The following NRXN1 variants were observed in gnomAD, a reference collection of about 807,000 sequenced individuals.
NRXN1 encodes neurexin-1.
Under a neutral mutation model 150.9 loss-of-function variants are expected in NRXN1, and 39 were observed. The observed-to-expected ratio is 0.26, with a 90% confidence interval of 0.20 to 0.34. The LOEUF is 0.34. NRXN1 is among the 10% of genes least tolerant of loss of function. The pLI is 1.00. For missense variants in NRXN1, 1,815 were observed against 1,949.9 expected (o/e 0.93, Z 1.30); for synonymous variants, 924 against 757.0 (o/e 1.22, Z -3.62).
chr2:50,083,900 C>T (rs1176249157), intron 19 of NRXN1, among the ~76,000 whole-genome samples: 1 of 152,118 alleles, frequency 6.6e-6, no homozygotes, highest in African/African-American at 2.4e-5. Flanking sequence ...CATAAAGGTT[C>T]TCCAAGTCCG....
intron 2 of NRXN1, among the ~76,000 whole-genome samples, chr2:50,980,079 T>G (rs1249934192): frequency 2.0e-5 from 3 of 152,272 alleles, no homozygotes; most frequent in East Asian, 1.9e-4. Flanking sequence ...AGTTTTGCTA[T>G]GGTTGGAATG....
intron 2 of NRXN1, among the ~76,000 whole-genome samples, chr2:50,975,655 A>T (rs1424745020): frequency 1.3e-5 from 2 of 152,126 alleles, no homozygotes; most frequent in Non-Finnish European, 2.9e-5. Context: ...AACTATGTGG[A>T]CATCTGCAAT....
At chr2:50,276,007 A>G (rs2070406860) in intron 17 of NRXN1, among the ~76,000 whole-genome samples, 1 of 143,674 alleles carries the variant, frequency 7.0e-6, no homozygotes, top group South Asian at 2.2e-4. Context: ...AAAAAAGCCC[A>G]GTCTGCAATT....
At chr2:50,175,280 G>C (rs1376968959) in intron 18 of NRXN1, 2 of 152,124 alleles carry the variant, frequency 1.3e-5, no homozygotes, top group East Asian at 3.9e-4. Context: ...TGGTTATAAA[G>C]AAGTTATAGG....
chr2:50,748,046 C>T (rs1022711331), intron 5 of NRXN1, among the ~76,000 whole-genome samples: 7 of 152,174 alleles, frequency 4.6e-5, no homozygotes, highest in Non-Finnish European at 1.0e-4. Context: ...ATCTCACAAG[C>T]ATCACTTCCC....
rs1304395636 is a variant in NRXN1, at chr2:50,800,472, T to C, written c.832+121397A>G. 2.6e-5 allele frequency among the ~76,000 whole-genome samples: 4 copies of C among 152,344 alleles called. No homozygotes were observed. In the East Asian group the frequency reaches 5.8e-4, roughly 22 times the overall value. On this transcript the variant is annotated intron_variant, in intron 5 of 22. Coordinates refer to ENST00000401669, the MANE Select transcript of NRXN1 (RefSeq NM_001330078.2). ...GAACCATGGGTGTTTTGCTAACAGATGTAGGCCAAGTCAATGAGTTGCTAC... is the reference window on the plus strand; with the variant it reads ...GAACCATGGGTGTTTTGCTAACAGACGTAGGCCAAGTCAATGAGTTGCTAC...
chr2:49,980,096 G>T (rs1679737668), intron 21 of NRXN1, among the ~76,000 whole-genome samples: 2 of 152,016 alleles, frequency 1.3e-5, no homozygotes, highest in South Asian at 4.1e-4. Context: ...GACTCAGAGG[G>T]ATTAAATAAC....
At chr2:50,931,637 G>A (rs561088987) in intron 2 of NRXN1, among the ~76,000 whole-genome samples, 1 of 152,064 alleles carries the variant, frequency 6.6e-6, no homozygotes, top group African/African-American at 2.4e-5. Flanking sequence ...AAAATGCACA[G>A]CATATTAAAA....
intron 8 of NRXN1, among the ~76,000 whole-genome samples, chr2:50,563,959 GT>G (rs1334937561): frequency 6.6e-6 from 1 of 152,152 alleles, no homozygotes; most frequent in African/African-American, 2.4e-5. Context: ...TGCTGATGAT[GT>G]TTTTAGCAAC....
chr2:50,820,175 A>C (rs11125326), intron 5 of NRXN1, among the ~76,000 whole-genome samples: 25,971 of 152,038 alleles, frequency 0.17, 2,428 homozygotes, highest in Non-Finnish European at 0.2. Context: ...ATTGCTCTGG[A>C]CCATCCTGAT....
At chr2:50,701,583 T>C (rs935432468) in intron 5 of NRXN1, among the ~76,000 whole-genome samples, 47 of 152,196 alleles carry the variant, frequency 3.1e-4, no homozygotes, top group African/African-American at 9.9e-4. Flanking sequence ...TTACCTACCA[T>C]CATTTATTAT....
chr2:50,013,129 T>A (rs552299274), intron 21 of NRXN1, among the ~76,000 whole-genome samples: 1 of 152,144 alleles, frequency 6.6e-6, no homozygotes, highest in Non-Finnish European at 1.5e-5. Context: ...TCATGTCCAA[T>A]AAAGTATTGA....
chr2:50,616,722 T>C (rs1352572399), intron 8 of NRXN1, among the ~76,000 whole-genome samples: 1 of 152,178 alleles, frequency 6.6e-6, no homozygotes, highest in Non-Finnish European at 1.5e-5. Context: ...TCCAGGATCC[T>C]TTCCATTCTA....
rs77923372 is a variant in NRXN1 at position 50,213,529 on chromosome 2, G to A, written c.3546+23260C>T. Among the ~76,000 whole-genome samples the A allele has an allele frequency of 8.7e-3, 1,319 of 151,876 alleles. 25 individuals are homozygous for A. Among genetic ancestry groups the A allele is most frequent in the African/African-American group, 0.03 (1,248 of 41,510 alleles). ...ATGATAAGACTGTATAATGGATCTG[G>A]AAGTTTCGTTAGTCCAGGCAGCCCT... On this transcript the variant is annotated intron_variant, in intron 18 of 22. Transcript: ENST00000401669.
chr2:50,760,802 C>T (rs1235006033), intron 5 of NRXN1, among the ~76,000 whole-genome samples: 1 of 151,856 alleles, frequency 6.6e-6, no homozygotes, highest in Non-Finnish European at 1.5e-5. Context: ...ATGTGGTAAG[C>T]AGATGGGCGG....
intron 22 of NRXN1, among the ~76,000 whole-genome samples, chr2:49,937,104 C>T (rs937671498): frequency 5.9e-5 from 9 of 152,194 alleles, no homozygotes; most frequent in Non-Finnish European, 7.3e-5. Flanking sequence ...AGATAGCGCC[C>T]CTATCTCCTA....
chr2:50,040,501 A>G (rs1431129066), intron 21 of NRXN1, among the ~76,000 whole-genome samples: 1 of 152,204 alleles, frequency 6.6e-6, no homozygotes, highest in East Asian at 1.9e-4. Context: ...GAATAAATAA[A>G]CAAATGGAAC....
At chr2:50,308,528 C>T (rs2074865423) in intron 17 of NRXN1, among the ~76,000 whole-genome samples, 1 of 151,312 alleles carries the variant, frequency 6.6e-6, no homozygotes, top group Non-Finnish European at 1.5e-5. Context: ...TATTTTTTTC[C>T]AGTTTTTTGA....
chr2:50,574,679 G>A lies in NRXN1; in HGVS notation c.1321-21654C>T, dbSNP rs578086994. 2.7e-3 allele frequency among the ~76,000 whole-genome samples: 414 copies of A among 152,300 alleles called. 1 individual carries two copies. The highest frequency in any genetic ancestry group is 4.2e-3 in the Non-Finnish European group (289 of 68,030). Reference sequence around the variant, plus strand: ...AAAGAGAAGTGTGGCTTCCAAAAGAGAATCATACTAAATTAATTATTCCCC... The same window carrying A: ...AAAGAGAAGTGTGGCTTCCAAAAGAAAATCATACTAAATTAATTATTCCCC... On this transcript the variant is annotated intron_variant, in intron 8 of 22. Coordinates refer to ENST00000401669, the MANE Select transcript of NRXN1 (RefSeq NM_001330078.2).
Sources: gnomAD v4.1 joint callset for allele counts (sites outside exome capture counted in the v4.1 genomes callset) on GRCh38, gnomAD v4.1.1 for gene constraint, MANE v1.5 for transcripts, NCBI Gene and HGNC (gene_info 2026-07-23, HGNC 2026-07-21) for gene names.